NRG2: variants seen among roughly 807,000 people sequenced by gnomAD.
NRG2 encodes the protein pro-neuregulin-2, membrane-bound isoform.
A neutral mutation model predicts 73.9 loss-of-function variants in NRG2; 27 were observed. The ratio of observed to expected loss-of-function variants is 0.37; its 90% CI spans 0.27 to 0.50. The LOEUF is 0.50. NRG2 is among the 20% of genes least tolerant of loss of function. NRG2 has a pLI of 0.96. For missense variants in NRG2, 1,126 were observed against 1,210.1 expected (o/e 0.93, Z 1.03); for synonymous variants, 532 against 541.0 (o/e 0.98, Z 0.23).
At position 139,887,627 on chromosome 5, in the gene NRG2, T is replaced by A; in HGVS notation, c.701-116A>T. 1.2e-6 allele frequency: 1 copy of A among 844,712 alleles called. No homozygotes were observed. Among genetic ancestry groups the A allele is most frequent in the South Asian group, 1.7e-5 (1 of 60,120 alleles). The allele number at this position is 844,712 out of a possible 1,614,324, so 52.3% of individuals were successfully genotyped here. ...CTGGAACTGGGGAAGGGAAGGGTGA[T>A]CCTGAGAGCCACCCCTCCTAGTGTC... On this transcript the variant is annotated intron_variant, in intron 1 of 9. Transcript: ENST00000361474. This position sits in a 1 kb window ranked among gnomAD's most constrained non-coding sequence, Gnocchi z 4.5.
chr5:140,024,129 C>A (rs1760470991), intron 1 of NRG2, among the ~76,000 whole-genome samples: 1 of 152,126 alleles, frequency 6.6e-6, no homozygotes, highest in South Asian at 2.1e-4. Context: ...CCTAGAGGAA[C>A]CCAGCTGGGC....
In NRG2 at chr5:139,846,898, TAAAC is replaced by T. The variant is rs1295515116; in HGVS notation, c.*1015_*1018del. 6.6e-5 allele frequency: 10 copies of T among 151,374 alleles called. No individual in the cohort carries two copies. In the East Asian group the frequency reaches 1.7e-3, roughly 26 times the overall value. The allele number at this position is 151,374 out of a possible 1,614,324, so 9.4% of individuals were successfully genotyped here. Reference sequence around the variant, plus strand: ...TTCTGTTTGGGATTTTTTTTTTTTTTAAACAATTACCTTTTTGACAAATTAGCAG... The same window carrying T: ...TTCTGTTTGGGATTTTTTTTTTTTTTAATTACCTTTTTGACAAATTAGCAG... On this transcript the variant is annotated 3_prime_UTR_variant, in exon 10 of 10. Transcript: ENST00000361474.
chr5:139,847,848 C>T lies in NRG2; in HGVS notation c.*69G>A, dbSNP rs1378932723. The T allele has an allele frequency of 3.4e-6, 3 of 877,196 alleles. No individual in the cohort carries two copies. The highest frequency in any genetic ancestry group is 8.4e-5 in the Admixed American group (2 of 23,710). The allele number at this position is 877,196 out of a possible 1,614,324, so 54.3% of individuals were successfully genotyped here. ...TTATTTCTTTTTTCCTCCTTTCTCTCCAGTAGGCGGTCTCTGGTCTCCTTA... is the reference window on the plus strand; with the variant it reads ...TTATTTCTTTTTTCCTCCTTTCTCTTCAGTAGGCGGTCTCTGGTCTCCTTA... On this transcript the variant is annotated 3_prime_UTR_variant, in exon 10 of 10. Transcript: ENST00000361474.
intron 1 of NRG2, among the ~76,000 whole-genome samples, chr5:140,022,395 A>G (rs1188451987): frequency 6.6e-6 from 1 of 152,104 alleles, no homozygotes; most frequent in Non-Finnish European, 1.5e-5. Flanking sequence ...ATGATTTAGT[A>G]CCCTTATGAT....
intron 1 of NRG2, among the ~76,000 whole-genome samples, chr5:139,930,586 AC>A (rs1278506442): frequency 6.6e-6 from 1 of 152,116 alleles, no homozygotes; most frequent in Non-Finnish European, 1.5e-5. Flanking sequence ...TGCAGAACAC[AC>A]TTCTGCTTCT....
At chr5:139,988,170 G>C (rs562324790) in intron 1 of NRG2, among the ~76,000 whole-genome samples, 30 of 152,132 alleles carry the variant, frequency 2.0e-4, no homozygotes, top group African/African-American at 7.2e-4. Context: ...TGAGGATGTG[G>C]AGCAACAGGA....
At chr5:139,978,289 T>C (rs1367744275) in intron 1 of NRG2, among the ~76,000 whole-genome samples, 1 of 152,084 alleles carries the variant, frequency 6.6e-6, no homozygotes, top group Non-Finnish European at 1.5e-5. Flanking sequence ...GCAAAAGATA[T>C]GAACAGACAC....
chr5:140,019,908 C>T (rs1181897079), intron 1 of NRG2, among the ~76,000 whole-genome samples: 9 of 152,126 alleles, frequency 5.9e-5, no homozygotes, highest in Non-Finnish European at 1.0e-4. Context: ...CCTACCTCCA[C>T]GCCCGGCTAA....
chr5:139,880,706 C>T (rs1192879516), intron 3 of NRG2, 150 bp downstream of exon 3: 1 of 555,944 alleles, frequency 1.8e-6, no homozygotes, highest in Non-Finnish European at 3.2e-6. Context: ...TTCTCTGAAT[C>T]GGCTGAGATC....
At position 139,853,787 on chromosome 5, in the gene NRG2, G is replaced by T. The variant is rs1761629687; in HGVS notation, c.1293-760C>A. Among the ~76,000 whole-genome samples the T allele has an allele frequency of 6.6e-6, 1 of 152,108 alleles. No individual in the cohort carries two copies. Among genetic ancestry groups the T allele is most frequent in the Non-Finnish European group, 1.5e-5 (1 of 68,020 alleles). Reference sequence around the variant, plus strand: ...CAGAGGCTGGGAAAGGAAGTGGGGGGTTGGGAGGGAGGTGGGGATGGTTCA... The same window carrying T: ...CAGAGGCTGGGAAAGGAAGTGGGGGTTTGGGAGGGAGGTGGGGATGGTTCA... On this transcript the variant is annotated intron_variant, in intron 6 of 9. Transcript: ENST00000361474. The surrounding 1 kb of genome is among the most constrained non-coding windows in gnomAD (Gnocchi z 4.1).
chr5:140,002,178 T>A (rs2126624834), intron 1 of NRG2, among the ~76,000 whole-genome samples: 1 of 152,186 alleles, frequency 6.6e-6, no homozygotes. Context: ...AGAAAGAACC[T>A]GTCTCAAAAA....
chr5:139,893,839 C>G (rs946230180), intron 1 of NRG2, among the ~76,000 whole-genome samples: 3 of 152,198 alleles, frequency 2.0e-5, no homozygotes, highest in African/African-American at 4.8e-5. Context: ...GATTTTCCTC[C>G]AGGACGGGCT....
chr5:139,961,200 T>C (rs2126500287), intron 1 of NRG2, among the ~76,000 whole-genome samples: 1 of 152,282 alleles, frequency 6.6e-6, no homozygotes, highest in Admixed American at 6.5e-5. Flanking sequence ...GGGTCTGTGG[T>C]CTGAGGAGAA....
chr5:139,860,101 C>T (rs929599353), intron 5 of NRG2, among the ~76,000 whole-genome samples: 3 of 152,104 alleles, frequency 2.0e-5, no homozygotes, highest in African/African-American at 7.2e-5. Context: ...TCCCTGACAC[C>T]CAGTCCCCAA....
chr5:139,863,510 A>T (rs560696602), intron 5 of NRG2, among the ~76,000 whole-genome samples: 1 of 152,326 alleles, frequency 6.6e-6, no homozygotes, highest in South Asian at 2.1e-4. Flanking sequence ...GCTGGCAGAG[A>T]GGCCTTGGAT....
intron 1 of NRG2, among the ~76,000 whole-genome samples, chr5:139,929,453 C>A (rs1446325956): frequency 6.6e-6 from 1 of 152,200 alleles, no homozygotes; most frequent in Non-Finnish European, 1.5e-5. Flanking sequence ...ATTGTACTCT[C>A]AGCACTTAAC....
chr5:139,937,200 G>A (rs1247363529), intron 1 of NRG2, among the ~76,000 whole-genome samples: 1 of 152,166 alleles, frequency 6.6e-6, no homozygotes, highest in Non-Finnish European at 1.5e-5. Flanking sequence ...AAAAATCAAT[G>A]TAATTCACTC....
Position 139,847,887 on chromosome 5 carries a change from G to T in NRG2, c.*30C>A. 1 of 1,370,132 alleles carries T rather than the reference G, an allele frequency of 7.3e-7. No individual in the cohort carries two copies. The allele number at this position is 1,370,132 out of a possible 1,614,324, so 84.9% of individuals were successfully genotyped here. A position where few individuals can be genotyped will look rare whatever the true frequency, so the allele number is the denominator to read the frequency against. ...CTGGTCTCCTTAAAGATAGTGGGGC[G>T]GGCGGGGCGGAGGGGCGCGCGGCGG... On this transcript the variant is annotated 3_prime_UTR_variant, in exon 10 of 10. Coordinates refer to ENST00000361474, the MANE Select transcript of NRG2 (RefSeq NM_004883.3).
chr5:139,927,764 CAAAA>C (rs67854211), intron 1 of NRG2, among the ~76,000 whole-genome samples: 6 of 82,546 alleles, frequency 7.3e-5, no homozygotes, highest in Admixed American at 1.4e-4. Context: ...AACCTTGTCT[CAAAA>C]AAAAAAAAAA....
Sources: gnomAD v4.1 joint callset for allele counts (sites outside exome capture counted in the v4.1 genomes callset) on GRCh38, gnomAD v4.1.1 for gene constraint, Gnocchi (gnomAD v3.1) non-coding constraint, MANE v1.5 for transcripts, NCBI Gene and HGNC (gene_info 2026-07-23, HGNC 2026-07-21) for gene names.